The following ANOS1 variants were observed in gnomAD, a reference collection of about 807,000 sequenced individuals.
The protein encoded by ANOS1 is anosmin-1.
In ANOS1, 6 loss-of-function variants were observed where a neutral mutation model predicts 59.0. That is an observed-to-expected ratio of 0.10 (90% confidence interval 0.06 to 0.20). ANOS1 has a LOEUF of 0.20. Ranked by LOEUF, ANOS1 falls within the 10% of genes least tolerant of loss-of-function variation. The pLI, the probability that ANOS1 is intolerant of heterozygous loss-of-function variation, is 1.00. For synonymous variants in ANOS1, 217 were observed against 223.4 expected, an observed-to-expected ratio of 0.97 and a Z score of 0.25; for missense variants, 433 against 542.3, an observed-to-expected ratio of 0.80 and a Z score of 2.00.
At chrX:8,668,679 C>T (rs1452827259) in intron 2 of ANOS1, among the ~76,000 whole-genome samples, 1 of 107,794 alleles carries the variant, frequency 9.3e-6, no homozygotes, top group Non-Finnish European at 1.9e-5. Flanking sequence ...AATTGAGGCA[C>T]ACATAAGGTC....
rs1932989244 is a variant in ANOS1 at position 8,732,133 on chromosome X, C to G, written c.-97G>C. ...ACTGCTGAGGACCAGGCAGACGCCG[C>G]GACTGAGCCGGAAAGTTCAATCCTT... On this transcript the variant is annotated 5_prime_UTR_variant, in exon 1 of 14. Transcript: ENST00000262648. 3 of 645,942 alleles carry G rather than the reference C, an allele frequency of 4.6e-6. No individual in the cohort carries two copies. The highest frequency in any genetic ancestry group is 5.9e-6 in the Non-Finnish European group (3 of 507,971). The allele number at this position is 645,942 out of a possible 1,213,427, so 53.2% of individuals were successfully genotyped here. A position where few individuals can be genotyped will look rare whatever the true frequency, so the allele number is the denominator to read the frequency against.
chrX:8,639,024 C>CAT (rs1456555058), intron 2 of ANOS1, among the ~76,000 whole-genome samples: 1 of 111,441 alleles, frequency 9.0e-6, no homozygotes, highest in Non-Finnish European at 1.9e-5. Context: ...GCATGCATAC[C>CAT]ACTGGTAAAA....
At position 8,570,586 on chromosome X, in the gene ANOS1, C is replaced by T. The variant is rs747316258; in HGVS notation, c.975G>A (p.Val325=). ...WDLPEEPDIP[V]HHYKVFWSWM... ...AGCTCCAAAAGACCTTGTAATGATG[C>T]ACAGGGATGTCCGGCTCCTCGGGGA... The change falls in exon 7 of 14, where the codon GTG becomes GTA. Residue 325 remains valine, a synonymous_variant. Coordinates refer to ENST00000262648, the MANE Select transcript of ANOS1 (RefSeq NM_000216.4). The T allele has an allele frequency of 8.3e-7, 1 of 1,210,777 alleles. No homozygotes were observed.
rs1425433093 is a variant in ANOS1 at position 8,721,202 on chromosome X, AG to A, written c.207+10627del. Reference sequence around the variant, plus strand: ...GCAAAACTGCCTCCAGAAGCCAGTGAGAAATCCCGTCCTAGTTCCCTTACAA... The same window carrying A: ...GCAAAACTGCCTCCAGAAGCCAGTGAAAATCCCGTCCTAGTTCCCTTACAA... On this transcript the variant is annotated intron_variant, in intron 1 of 13. Coordinates refer to ENST00000262648, the MANE Select transcript of ANOS1 (RefSeq NM_000216.4). Among the ~76,000 whole-genome samples, 9 of 111,738 alleles carry A rather than the reference AG, an allele frequency of 8.1e-5. No homozygotes were observed. In the Admixed American group the frequency reaches 8.6e-4, roughly 11 times the overall value.
chrX:8,650,758 G>A (rs772965963), intron 2 of ANOS1, among the ~76,000 whole-genome samples: 2 of 111,794 alleles, frequency 1.8e-5, no homozygotes, highest in East Asian at 2.8e-4. Flanking sequence ...ATGAATTATC[G>A]CCCACAGGAG....
intron 1 of ANOS1, among the ~76,000 whole-genome samples, chrX:8,708,472 T>G (rs1932792456): frequency 8.9e-6 from 1 of 111,807 alleles, no homozygotes; most frequent in African/African-American, 3.3e-5. Context: ...ACAGCACTTC[T>G]CAAAAGAAGA....
At chrX:8,662,046 A>C (rs1347570463) in intron 2 of ANOS1, among the ~76,000 whole-genome samples, 1 of 111,944 alleles carries the variant, frequency 8.9e-6, no homozygotes, top group Non-Finnish European at 1.9e-5. Context: ...AGTCCTTGGT[A>C]AATTACATGA....
At chrX:8,668,120 G>C (rs990798368) in intron 2 of ANOS1, among the ~76,000 whole-genome samples, 1 of 107,517 alleles carries the variant, frequency 9.3e-6, no homozygotes, top group Non-Finnish European at 1.9e-5. Context: ...GTGAGATTTT[G>C]GTGCACCCAT....
intron 2 of ANOS1, among the ~76,000 whole-genome samples, chrX:8,630,674 A>G (rs1931474510): frequency 9.0e-6 from 1 of 111,705 alleles, no homozygotes; most frequent in South Asian, 3.7e-4. Flanking sequence ...ACATAGCAGA[A>G]AACAAGGCTG....
At chrX:8,721,130 T>A (rs1377397607) in intron 1 of ANOS1, among the ~76,000 whole-genome samples, 1 of 111,556 alleles carries the variant, frequency 9.0e-6, no homozygotes, top group Non-Finnish European at 1.9e-5. Context: ...AGCCATTTTC[T>A]ATCACACCAG....
At chrX:8,609,059 A>G (rs764498279) in intron 3 of ANOS1, among the ~76,000 whole-genome samples, 2 of 112,432 alleles carry the variant, frequency 1.8e-5, no homozygotes, top group South Asian at 7.4e-4. Flanking sequence ...TACAAATTCC[A>G]TAAGTTAAGG....
At chrX:8,554,835 A>G (rs1929923734) in intron 8 of ANOS1, among the ~76,000 whole-genome samples, 1 of 110,119 alleles carries the variant, frequency 9.1e-6, no homozygotes, top group African/African-American at 3.3e-5. Flanking sequence ...CAGAAAATTA[A>G]CAAGAACATT....
At chrX:8,639,651 TACTC>T (rs1931626919) in intron 2 of ANOS1, among the ~76,000 whole-genome samples, 1 of 112,372 alleles carries the variant, frequency 8.9e-6, no homozygotes, top group African/African-American at 3.2e-5. Flanking sequence ...ATATCCAACT[TACTC>T]ATTTTAAAGA....
Position 8,725,581 on chromosome X carries a change from GATATATATATACAGAT to G in ANOS1, c.207+6233_207+6248del, listed in dbSNP as rs1389606454. On this transcript the variant is annotated intron_variant, in intron 1 of 13. Transcript: ENST00000262648. ...ATATATACAGATATACATATATACA[GATATATATATACAGAT>G]ATATATATACAGATATATATATATA... Among the ~76,000 whole-genome samples, 136 of 75,108 alleles carry G rather than the reference GATATATATATACAGAT, an allele frequency of 1.8e-3. 6 individuals are homozygous for G. The highest frequency in any genetic ancestry group is 5.7e-3 in the South Asian group (9 of 1,571). The allele number at this position is 75,108 out of a possible 115,157, so 65.2% of individuals were successfully genotyped here. A position where few individuals can be genotyped will look rare whatever the true frequency, so the allele number is the denominator to read the frequency against.
rs192033499 is a variant in ANOS1, at chrX:8,588,529, G to A, written c.542-551C>T. Among the ~76,000 whole-genome samples the A allele has an allele frequency of 1.9e-3, 211 of 112,032 alleles. 2 individuals are homozygous for A. The highest frequency in any genetic ancestry group is 6.7e-3 in the African/African-American group (207 of 30,888). On this transcript the variant is annotated intron_variant, in intron 4 of 13. Transcript: ENST00000262648. ...TCTCTTCATGTGAAATCTCCTAAGA[G>A]TGATTTCCAAAGTTCAAGTCTTTTG...
chrX:8,666,756 T>C (rs1932145515), intron 2 of ANOS1, among the ~76,000 whole-genome samples: 1 of 112,035 alleles, frequency 8.9e-6, no homozygotes, highest in African/African-American at 3.2e-5. Context: ...CCATCCAAAA[T>C]GTGGACATTG....
At chrX:8,703,318 T>C (rs1932765944) in intron 1 of ANOS1, among the ~76,000 whole-genome samples, 1 of 111,836 alleles carries the variant, frequency 8.9e-6, no homozygotes, top group South Asian at 3.7e-4. Context: ...TTGCCTGGGG[T>C]TCCAAAAGTA....
chrX:8,603,638 A>G (rs1930886005), intron 3 of ANOS1, among the ~76,000 whole-genome samples: 1 of 112,628 alleles, frequency 8.9e-6, no homozygotes, highest in South Asian at 3.7e-4. Flanking sequence ...TCATGGAATG[A>G]TAAAGACATC....
At chrX:8,590,051 C>A (rs1043754601) in intron 4 of ANOS1, among the ~76,000 whole-genome samples, 24 of 111,546 alleles carry the variant, frequency 2.2e-4, no homozygotes, top group Admixed American at 2.9e-4. Flanking sequence ...GCATCTCAAT[C>A]TCTTTTTCTA....
Sources: allele counts gnomAD v4.1 joint callset (sites outside exome capture counted in the v4.1 genomes callset), GRCh38; gene constraint gnomAD v4.1.1; transcripts MANE v1.5; gene names NCBI Gene and HGNC (gene_info 2026-07-23, HGNC 2026-07-21).